Variants in DSCAML1 observed in about 807,000 individuals in gnomAD.
DSCAML1 encodes DS cell adhesion molecule like 1.
DSCAML1 carries 38 observed loss-of-function variants against 200.5 expected under a neutral mutation model. The observed-to-expected ratio is 0.19, with a 90% CI of 0.15 to 0.25. The LOEUF is 0.25. Among genes scored for constraint, DSCAML1 ranks in the 10% least tolerant of loss-of-function variants. DSCAML1 has a pLI of 1.00. For synonymous variants in DSCAML1, 1,215 were observed against 1,165.0 expected (o/e 1.04, Z -0.87); for missense variants, 2,223 against 2,858.8 (o/e 0.78, Z 5.07).
intron 3 of DSCAML1, among the ~76,000 whole-genome samples, chr11:117,549,632 T>C (rs2050435576): frequency 6.6e-6 from 1 of 152,212 alleles, no homozygotes; most frequent in Admixed American, 6.5e-5. Context: ...TGATAAACGA[T>C]TGCTCTCATG....
intron 3 of DSCAML1, among the ~76,000 whole-genome samples, chr11:117,643,361 C>T (rs766578917): frequency 4.6e-5 from 7 of 152,146 alleles, no homozygotes; most frequent in Admixed American, 6.5e-5. Flanking sequence ...GTGGGGAGGA[C>T]GTACTATCCC....
Position 117,437,874 on chromosome 11 carries a change from C to G in DSCAML1, c.4432+21G>C, listed in dbSNP as rs747395135. On this transcript the variant is annotated intron_variant, in intron 25 of 32. Coordinates refer to ENST00000651296, the MANE Select transcript of DSCAML1 (RefSeq NM_020693.4). This position sits in a 1 kb window ranked among gnomAD's most constrained non-coding sequence, Gnocchi z 5.3. ...CCCTGGGCCCATCGCTCCTTCCCTGCCCCAGTGGCCTGGGCCTCACCCCGC... is the reference window on the plus strand; with the variant it reads ...CCCTGGGCCCATCGCTCCTTCCCTGGCCCAGTGGCCTGGGCCTCACCCCGC... 1.3e-6 allele frequency: 2 copies of G among 1,589,428 alleles called. No homozygotes were observed. The highest frequency in any genetic ancestry group is 8.5e-7 in the Non-Finnish European group (1 of 1,170,764).
chr11:117,428,252 T>C lies in DSCAML1; in HGVS notation c.*76A>G. 3.5e-6 allele frequency: 3 copies of C among 857,474 alleles called. No individual in the cohort carries two copies. Among genetic ancestry groups the C allele is most frequent in the Non-Finnish European group, 5.7e-6 (3 of 524,170 alleles). 53.1% of individuals were successfully genotyped at this position (857,474 alleles called of 1,614,324 possible). ...TTGTCTGTCAGTTGAATATAAATAATGCAGAAAAACAGCCGAGCTGGCGTG... is the reference window on the plus strand; with the variant it reads ...TTGTCTGTCAGTTGAATATAAATAACGCAGAAAAACAGCCGAGCTGGCGTG... On this transcript the variant is annotated 3_prime_UTR_variant, in exon 33 of 33. Transcript: ENST00000651296.
chr11:117,800,836 C>A (rs2055650461), upstream of DSCAML1: 1 of 152,048 alleles, frequency 6.6e-6, no homozygotes, highest in South Asian at 2.1e-4. Flanking sequence ...AAGACTAGAG[C>A]CATCCTGAGA....
At chr11:117,430,593 C>G in intron 32 of DSCAML1, 129 bp downstream of exon 32, 4 of 1,091,048 alleles carry the variant, frequency 3.7e-6, no homozygotes, top group Non-Finnish European at 5.1e-6. Flanking sequence ...TGGTACCACC[C>G]TGCACTGCCA....
chr11:117,545,349 A>C (rs1196662128), intron 3 of DSCAML1, among the ~76,000 whole-genome samples: 2 of 152,142 alleles, frequency 1.3e-5, no homozygotes. Flanking sequence ...GAGAGGCCTC[A>C]CCAGAAACCA....
intron 3 of DSCAML1, among the ~76,000 whole-genome samples, chr11:117,717,477 C>G (rs1180163263): frequency 2.0e-5 from 3 of 152,248 alleles, no homozygotes; most frequent in African/African-American, 4.8e-5. Context: ...CAGGTTCCAA[C>G]TGACTGGCGG....
chr11:117,561,686 A>G (rs2050665948), intron 3 of DSCAML1, among the ~76,000 whole-genome samples: 1 of 152,088 alleles, frequency 6.6e-6, no homozygotes, highest in African/African-American at 2.4e-5. Context: ...ACTTATCTTC[A>G]CGTTCTAGCT....
At chr11:117,446,527 G>A (rs748009748) in intron 20 of DSCAML1, among the ~76,000 whole-genome samples, 7 of 152,080 alleles carry the variant, frequency 4.6e-5, no homozygotes, top group Admixed American at 6.6e-5. Flanking sequence ...CAGAAACCTG[G>A]ACAAAGGACG....
intron 3 of DSCAML1, among the ~76,000 whole-genome samples, chr11:117,713,303 A>G (rs969502338): frequency 6.6e-6 from 1 of 152,170 alleles, no homozygotes; most frequent in Admixed American, 6.5e-5. Context: ...TTCAGTAGAG[A>G]CAAGGTTTCA....
At chr11:117,572,005 AG>A (rs2050855235) in intron 3 of DSCAML1, among the ~76,000 whole-genome samples, 1 of 152,230 alleles carries the variant, frequency 6.6e-6, no homozygotes, top group Non-Finnish European at 1.5e-5. Context: ...TGGTCTAAAA[AG>A]GGGAGGCATG....
intron 3 of DSCAML1, among the ~76,000 whole-genome samples, chr11:117,601,286 T>G (rs1285936283): frequency 1.3e-5 from 2 of 151,656 alleles, no homozygotes; most frequent in Non-Finnish European, 2.9e-5. Flanking sequence ...AGGCAACTCC[T>G]CAACCCTGGA....
rs116392016 is a variant in DSCAML1, at chr11:117,702,674, A to G, written c.511+74117T>C. Among the ~76,000 whole-genome samples the G allele has an allele frequency of 3.6e-3, 548 of 152,346 alleles. 3 individuals are homozygous for G. The highest frequency in any genetic ancestry group is 0.011 in the African/African-American group (465 of 41,582). ...GCATGAATGAATGAAAACATATTTA[A>G]TACAACTTTTAAATAATGGTATAAC... On this transcript the variant is annotated intron_variant, in intron 3 of 32. Coordinates refer to ENST00000651296, the MANE Select transcript of DSCAML1 (RefSeq NM_020693.4).
intron 29 of DSCAML1, 74 bp downstream of exon 29, chr11:117,433,064 G>T: frequency 7.4e-7 from 1 of 1,359,562 alleles, no homozygotes; most frequent in Non-Finnish European, 1.0e-6. Flanking sequence ...GAGGGTTGGT[G>T]TTTGACTTCC....
chr11:117,518,581 G>A lies in DSCAML1; in HGVS notation c.1395C>T (p.Thr465=), dbSNP rs1425688803. 1.9e-6 allele frequency: 3 copies of A among 1,613,988 alleles called. No homozygotes were observed. The highest frequency in any genetic ancestry group is 1.1e-5 in the South Asian group (1 of 91,088). Residue 465 remains threonine, a synonymous_variant, in exon 7 of 33, where the codon ACC becomes ACT. Transcript: ENST00000651296. The surrounding 1 kb of genome is among the most constrained non-coding windows in gnomAD (Gnocchi z 6.3). The stretch of plus-strand genomic sequence containing the variant: ...CTGTGACGTTCATGTGGCTGATGGT[G>A]GTGCCGTCCGACATGGTGTACTGGT... ...RTNQYTMSDG[T]TISHMNVTGP...
intron 2 of DSCAML1, among the ~76,000 whole-genome samples, chr11:117,778,044 A>G (rs924695306): frequency 2.0e-5 from 3 of 151,378 alleles, no homozygotes; most frequent in African/African-American, 7.3e-5. Context: ...GCCCATCCCC[A>G]CCCCCTGACT....
intron 3 of DSCAML1, among the ~76,000 whole-genome samples, chr11:117,751,395 CTT>C (rs368589239): frequency 2.8e-5 from 4 of 142,544 alleles, no homozygotes; most frequent in African/African-American, 5.1e-5. Flanking sequence ...CACCTTTTTT[CTT>C]TTTTTTTTTT....
intron 1 of DSCAML1, among the ~76,000 whole-genome samples, chr11:117,785,538 G>A (rs17121246): frequency 0.036 from 5,532 of 152,178 alleles, 336 homozygotes; most frequent in African/African-American, 0.13. Context: ...GGGCCTCAGC[G>A]GTGGAAGACA....
At position 117,524,930 on chromosome 11, in the gene DSCAML1, C is replaced by T. The variant is rs373862956; in HGVS notation, c.812G>A (p.Arg271His). Residue 271 changes from arginine (R) to histidine (H), a missense_variant, in exon 5 of 33, where the codon CGC becomes CAC. Around this residue, in one of 7 missense-constraint regions of DSCAML1, gnomAD observed 579 missense variants for 721.5 expected, o/e 0.80. Transcript: ENST00000651296. ...CAGCCCTGTGATGCGCTTGGTCCAG[C>T]GGCTGTCAGCCGGGAGGGGCCGGCC... ...KDGRPLPADSRWTKRITGLTI... is the reference protein window; with the variant it reads ...KDGRPLPADSHWTKRITGLTI... The T allele has an allele frequency of 1.9e-5, 31 of 1,613,448 alleles. No individual in the cohort carries two copies. Among genetic ancestry groups the T allele is most frequent in the Middle Eastern group, 1.6e-4 (1 of 6,064 alleles).
Sources: gnomAD v4.1 joint callset for allele counts (sites outside exome capture counted in the v4.1 genomes callset) on GRCh38, gnomAD v4.1.1 for gene constraint, gnomAD v4.1.1 regional missense constraint, Gnocchi (gnomAD v3.1) non-coding constraint, MANE v1.5 for transcripts, NCBI Gene and HGNC (gene_info 2026-07-23, HGNC 2026-07-21) for gene names.